SLC24A2: variants seen among roughly 807,000 people sequenced by gnomAD.
The protein encoded by SLC24A2 is sodium/potassium/calcium exchanger 2.
A neutral mutation model predicts 62.0 loss-of-function variants in SLC24A2; 36 were observed. The ratio of observed to expected loss-of-function variants is 0.58; its 90% CI spans 0.44 to 0.77. The LOEUF (loss-of-function observed/expected upper bound fraction) is 0.77, where lower values mean the gene tolerates loss of function less well. SLC24A2 is among the 30% of genes least tolerant of loss of function. The pLI is 0.00. For missense variants in SLC24A2, 846 were observed against 817.9 expected (o/e 1.03, Z -0.42); for synonymous variants, 358 against 294.0 (o/e 1.22, Z -2.23).
At chr9:19,889,436 A>G in the SLC24A2 span, among the ~76,000 whole-genome samples, 1 of 151,172 alleles carries the variant, frequency 6.6e-6, no homozygotes, top group African/African-American at 2.4e-5. Context: ...TCATCACCTG[A>G]AAGGAAATAC....
At chr9:19,915,413 G>A in the SLC24A2 span, among the ~76,000 whole-genome samples, 117 of 152,152 alleles carry the variant, frequency 7.7e-4, no homozygotes, top group African/African-American at 2.6e-3. Flanking sequence ...AAGCTTTTGT[G>A]TGAACATATA....
the SLC24A2 span, among the ~76,000 whole-genome samples, chr9:20,244,018 C>CCT: frequency 1.3e-5 from 2 of 152,108 alleles, no homozygotes; most frequent in African/African-American, 4.8e-5. Flanking sequence ...GCTGTCCCAG[C>CCT]CTGTGAAACT....
the SLC24A2 span, among the ~76,000 whole-genome samples, chr9:20,081,702 T>A: frequency 6.6e-6 from 1 of 152,136 alleles, no homozygotes; most frequent in Non-Finnish European, 1.5e-5. Context: ...CCAAATGAAT[T>A]GTTCCCAGTG....
chr9:20,167,322 C>T, the SLC24A2 span, among the ~76,000 whole-genome samples: 1 of 151,762 alleles, frequency 6.6e-6, no homozygotes, highest in African/African-American at 2.4e-5. Context: ...TTTTTTGTGT[C>T]TTTTAGGTTT....
chr9:20,239,897 G>A, the SLC24A2 span, among the ~76,000 whole-genome samples: 69 of 147,596 alleles, frequency 4.7e-4, no homozygotes, highest in South Asian at 1.1e-3. Context: ...TTTTTGTCAC[G>A]GAGTTGATTC....
At chr9:19,535,071 T>C (rs1833892319) in intron 8 of SLC24A2, among the ~76,000 whole-genome samples, 1 of 152,240 alleles carries the variant, frequency 6.6e-6, no homozygotes, top group East Asian at 1.9e-4. Context: ...TGAGATAGTA[T>C]CTCATTGTGG....
At chr9:20,092,893 G>A in the SLC24A2 span, among the ~76,000 whole-genome samples, 193 of 152,246 alleles carry the variant, frequency 1.3e-3, 1 homozygote, top group African/African-American at 4.5e-3. Flanking sequence ...TAGAATGATG[G>A]TTGCCAGGGA....
chr9:19,615,479 T>C (rs963629827), intron 4 of SLC24A2, among the ~76,000 whole-genome samples: 1 of 152,202 alleles, frequency 6.6e-6, no homozygotes, highest in Non-Finnish European at 1.5e-5. Context: ...CTGAGAGCTG[T>C]GGGTTAATTT....
At chr9:19,961,032 G>GTGTT in the SLC24A2 span, among the ~76,000 whole-genome samples, 1 of 146,432 alleles carries the variant, frequency 6.8e-6, no homozygotes, top group Non-Finnish European at 1.5e-5. Context: ...GGGTGTGTGT[G>GTGTT]TGTGTGTGTG....
chr9:19,639,656 C>T (rs1818444144), intron 2 of SLC24A2, among the ~76,000 whole-genome samples: 1 of 152,230 alleles, frequency 6.6e-6, no homozygotes, highest in South Asian at 2.1e-4. Flanking sequence ...TTAGTAATAT[C>T]TGGATAACCT....
At chr9:19,855,558 G>C in the SLC24A2 span, among the ~76,000 whole-genome samples, 1 of 152,148 alleles carries the variant, frequency 6.6e-6, no homozygotes, top group Non-Finnish European at 1.5e-5. Flanking sequence ...AGCTTAGTTT[G>C]GCCAGATATG....
chr9:19,618,763 C>T (rs1817833241), intron 4 of SLC24A2, among the ~76,000 whole-genome samples: 1 of 152,214 alleles, frequency 6.6e-6, no homozygotes, highest in Non-Finnish European at 1.5e-5. Context: ...TCCTGTGTAA[C>T]ATTGAGCCCA....
the SLC24A2 span, among the ~76,000 whole-genome samples, chr9:20,269,035 G>A: frequency 6.6e-6 from 1 of 152,146 alleles, no homozygotes; most frequent in East Asian, 1.9e-4. Flanking sequence ...GTACAATTTA[G>A]CAGTTAAGGA....
the SLC24A2 span, among the ~76,000 whole-genome samples, chr9:19,843,328 C>T: frequency 6.6e-6 from 1 of 152,134 alleles, no homozygotes; most frequent in African/African-American, 2.4e-5. Context: ...ATGGTGAAAT[C>T]ATGTCTCTAC....
intron 2 of SLC24A2, among the ~76,000 whole-genome samples, chr9:19,726,111 A>G (rs1229992683): frequency 1.3e-5 from 2 of 152,206 alleles, no homozygotes; most frequent in Non-Finnish European, 2.9e-5. Context: ...GTCAAGGCCT[A>G]TGAGCCCTGA....
the SLC24A2 span, among the ~76,000 whole-genome samples, chr9:19,936,135 G>A: frequency 2.0e-5 from 3 of 151,974 alleles, no homozygotes; most frequent in Middle Eastern, 3.2e-3. Flanking sequence ...AGAGCCCACC[G>A]TGATACCAGA....
At chr9:19,761,233 A>C (rs894601803) in intron 2 of SLC24A2, among the ~76,000 whole-genome samples, 3 of 152,108 alleles carry the variant, frequency 2.0e-5, no homozygotes, top group Non-Finnish European at 4.4e-5. Context: ...AGGAATCACC[A>C]GACTATCTTC....
the SLC24A2 span, among the ~76,000 whole-genome samples, chr9:19,944,335 A>G: frequency 6.6e-6 from 1 of 152,058 alleles, no homozygotes; most frequent in African/African-American, 2.4e-5. Flanking sequence ...ATTCAGAAGA[A>G]TTCTGAGAGG....
the SLC24A2 span, among the ~76,000 whole-genome samples, chr9:20,231,741 G>C: frequency 2.0e-5 from 3 of 152,150 alleles, no homozygotes; most frequent in Non-Finnish European, 4.4e-5. Context: ...ACTCCTGCCT[G>C]ATTGCCCTGG....
Sources: allele counts gnomAD v4.1 joint callset (sites outside exome capture counted in the v4.1 genomes callset), GRCh38; gene constraint gnomAD v4.1.1; transcripts MANE v1.5; gene names NCBI Gene and HGNC (gene_info 2026-07-23, HGNC 2026-07-21).